Variants in LRBA observed in about 807,000 individuals in gnomAD.
LRBA encodes the protein lipopolysaccharide-responsive and beige-like anchor protein.
LRBA carries 176 observed loss-of-function variants against 330.0 expected under a neutral mutation model. The observed-to-expected ratio is 0.53, with a 90% CI of 0.47 to 0.60. LRBA has a LOEUF of 0.60. Among genes scored for constraint, LRBA ranks in the 20% least tolerant of loss-of-function variants. The pLI, the probability that LRBA is intolerant of heterozygous loss-of-function variation, is 0.00. For synonymous variants in LRBA, 1,230 were observed against 1,193.0 expected (o/e 1.03, Z -0.64); for missense variants, 3,259 against 3,444.8 (o/e 0.95, Z 1.35).
intron 36 of LRBA, among the ~76,000 whole-genome samples, chr4:150,701,151 A>C (rs1315722158): frequency 6.6e-6 from 1 of 152,170 alleles, no homozygotes; most frequent in Non-Finnish European, 1.5e-5. Flanking sequence ...GGGTCAAGAT[A>C]ATGAATATCA....
chr4:150,791,174 A>G (rs942113091), intron 34 of LRBA, among the ~76,000 whole-genome samples: 12 of 152,182 alleles, frequency 7.9e-5, no homozygotes, highest in African/African-American at 2.9e-4. Context: ...GGCTGGTCTC[A>G]AACTCCTGGC....
intron 2 of LRBA, among the ~76,000 whole-genome samples, chr4:150,940,973 T>C (rs1414030374): frequency 6.6e-6 from 1 of 152,100 alleles, no homozygotes; most frequent in Non-Finnish European, 1.5e-5. Flanking sequence ...CTAATCTTGC[T>C]TTCAGTGTAT....
intron 2 of LRBA, among the ~76,000 whole-genome samples, chr4:150,990,369 C>T (rs1741936881): frequency 6.6e-6 from 1 of 152,080 alleles, no homozygotes; most frequent in African/African-American, 2.4e-5. Context: ...GCATATAATC[C>T]TCATATTTGA....
intron 17 of LRBA, among the ~76,000 whole-genome samples, chr4:150,888,880 G>A (rs1359572410): frequency 6.6e-6 from 1 of 152,178 alleles, no homozygotes; most frequent in Non-Finnish European, 1.5e-5. Context: ...CAACTATTCT[G>A]TGTGTATTAG....
Position 150,852,307 on chromosome 4 carries a change from A to G in LRBA, c.3403T>C (p.Ser1135Pro). Residue 1135 changes from serine to proline, a missense_variant, in exon 23 of 57, where the codon TCT becomes CCT. By Grantham distance (74) the Ser-to-Pro change is moderately conservative (BLOSUM62 -1). Coordinates refer to ENST00000651943, the MANE Select transcript of LRBA (RefSeq NM_001364905.1). ...TCACCGGCTTCAGATGCAGCTGGAGACAAACTGTTATCTTGGAGCTCTGTG... is the reference window on the plus strand; with the variant it reads ...TCACCGGCTTCAGATGCAGCTGGAGGCAAACTGTTATCTTGGAGCTCTGTG... ...LPTELQDNSL[S>P]PAASEAGEKL... 3 of 1,614,044 alleles carry G rather than the reference A, an allele frequency of 1.9e-6. No individual in the cohort carries two copies. The highest frequency in any genetic ancestry group is 2.5e-6 in the Non-Finnish European group (3 of 1,180,028).
chr4:150,342,950 C>T (rs1174184291), intron 48 of LRBA, among the ~76,000 whole-genome samples: 1 of 146,460 alleles, frequency 6.8e-6, no homozygotes, highest in Non-Finnish European at 1.5e-5. Flanking sequence ...AGAAATAATG[C>T]TTTAATATAA....
chr4:150,468,768 C>T (rs956363343), intron 43 of LRBA, among the ~76,000 whole-genome samples: 3 of 151,840 alleles, frequency 2.0e-5, no homozygotes, highest in South Asian at 2.1e-4. Context: ...TATATCAATA[C>T]GTAGCTGAAT....
intron 40 of LRBA, among the ~76,000 whole-genome samples, chr4:150,520,875 G>C (rs1762855955): frequency 6.6e-6 from 1 of 152,036 alleles, no homozygotes; most frequent in Non-Finnish European, 1.5e-5. Flanking sequence ...ATACTATCTT[G>C]TACTTGGGTG....
In LRBA at chr4:150,893,175, TA is replaced by T. The variant is rs1729651444; in HGVS notation, c.2068-27del. On this transcript the variant is annotated intron_variant, in intron 16 of 56. Transcript: ENST00000651943. ...CTATAATCATTTTAGAAATTTTTTT[TA>T]AAAAATGAGGAAAAAACAACTTAGT... 6 of 1,437,518 alleles carry T rather than the reference TA, an allele frequency of 4.2e-6. No individual in the cohort carries two copies. In the African/African-American group the frequency reaches 5.8e-5, roughly 14 times the overall value. 89.0% of individuals were successfully genotyped at this position (1,437,518 alleles called of 1,614,324 possible).
chr4:150,889,054 T>C (rs1729214779), intron 17 of LRBA, among the ~76,000 whole-genome samples: 1 of 152,190 alleles, frequency 6.6e-6, no homozygotes, highest in African/African-American at 2.4e-5. Context: ...GTATTCTCAG[T>C]ACAAAGGCAG....
At chr4:150,286,351 A>T (rs1206854698) in intron 53 of LRBA, among the ~76,000 whole-genome samples, 1 of 152,208 alleles carries the variant, frequency 6.6e-6, no homozygotes, top group Non-Finnish European at 1.5e-5. Context: ...TTATGGTCAG[A>T]TGATTATAAA....
chr4:150,658,504 A>AGTCTCCTCCCTCTCCGTCTCC (rs1561481049), intron 37 of LRBA, among the ~76,000 whole-genome samples: 1 of 21,560 alleles, frequency 4.6e-5, no homozygotes. Context: ...AGAAAATAAA[A>AGTCTCCTCCCTCTCCGTCTCC]GTCTCCCTCT....
intron 27 of LRBA, 24 bp from the exon 28 acceptor site, chr4:150,844,231 GTA>G (rs376256990): frequency 5.6e-4 from 625 of 1,118,632 alleles, no homozygotes; most frequent in Middle Eastern, 8.7e-4. Flanking sequence ...AAAAAAAATT[GTA>G]TATATATATA....
rs925302333 is a variant in LRBA at position 150,522,304 on chromosome 4, G to A, written c.6331-31269C>T. 3.3e-5 allele frequency among the ~76,000 whole-genome samples: 5 copies of A among 152,116 alleles called. No individual in the cohort carries two copies. In the East Asian group the frequency reaches 9.6e-4, roughly 29 times the overall value. The stretch of plus-strand genomic sequence containing the variant: ...AGACTTAGGTATTAATATTTTGTTA[G>A]AGGAGCACAAATTCACTAAAAGAGA... On this transcript the variant is annotated intron_variant, in intron 40 of 56. Transcript: ENST00000651943.
intron 36 of LRBA, among the ~76,000 whole-genome samples, chr4:150,710,487 T>A (rs76919406): frequency 6.6e-6 from 1 of 151,838 alleles, no homozygotes; most frequent in African/African-American, 2.4e-5. Flanking sequence ...AATAAACAAA[T>A]GCTAACAAAA....
chr4:150,911,111 G>A (rs770519946), intron 9 of LRBA, among the ~76,000 whole-genome samples: 1 of 152,116 alleles, frequency 6.6e-6, no homozygotes, highest in Non-Finnish European at 1.5e-5. Flanking sequence ...AGGATTTTTA[G>A]ATATAAGGTC....
chr4:150,625,687 TTA>T (rs374872258), intron 37 of LRBA, among the ~76,000 whole-genome samples: 131 of 144,844 alleles, frequency 9.0e-4, no homozygotes, highest in Middle Eastern at 3.6e-3. Context: ...GGTACCGAGA[TTA>T]TATATATATA....
intron 17 of LRBA, among the ~76,000 whole-genome samples, chr4:150,879,282 A>T (rs1453568174): frequency 6.6e-6 from 1 of 152,212 alleles, no homozygotes; most frequent in African/African-American, 2.4e-5. Context: ...ATTTATCCCA[A>T]TAGATGTGGA....
At chr4:150,758,035 C>T (rs564352617) in intron 35 of LRBA, among the ~76,000 whole-genome samples, 17 of 152,280 alleles carry the variant, frequency 1.1e-4, no homozygotes, top group African/African-American at 4.1e-4. Flanking sequence ...ACAACTGTTT[C>T]ACCAAATTTT....
Sources: allele counts gnomAD v4.1 joint callset (sites outside exome capture counted in the v4.1 genomes callset), GRCh38; gene constraint gnomAD v4.1.1; transcripts MANE v1.5; gene names NCBI Gene and HGNC (gene_info 2026-07-23, HGNC 2026-07-21).